Variants in KIR3DL1 observed in about 807,000 individuals in gnomAD.
KIR3DL1 encodes the protein killer cell immunoglobulin-like receptor 3DL1.
KIR3DL1 carries 50 observed loss-of-function variants against 40.3 expected under a neutral mutation model. The observed-to-expected ratio is 1.24, with a 90% CI of 0.99 to 1.57. The LOEUF is 1.57. Ranked by LOEUF, KIR3DL1 falls within the 40% of genes most tolerant of loss-of-function variation. The pLI is 0.00. For missense variants in KIR3DL1, 661 were observed against 559.9 expected, an observed-to-expected ratio of 1.18 and a Z score of -1.82; for synonymous variants, 257 against 207.2, an observed-to-expected ratio of 1.24 and a Z score of -2.07.
At chr19:54,825,830 C>G (rs796361081) in intron 6 of KIR3DL1, among the ~76,000 whole-genome samples, 10 of 150,930 alleles carry the variant, frequency 6.6e-5, no homozygotes, top group African/African-American at 2.5e-4. Flanking sequence ...GGCTCCTGGT[C>G]CCCTTCCTCC....
At chr19:54,830,367 A>G (rs1480108387) in exon 9 of KIR3DL1, 1 of 1,354,426 alleles carries the variant, frequency 7.4e-7, no homozygotes, top group Non-Finnish European at 1.0e-6. Context: ...AGCAGCTGGA[A>G]TCTGAAGGCG....
Position 54,821,876 on chromosome 19 carries a change from C to T in KIR3DL1, c.949+18C>T. 1 of 1,594,606 alleles carries T rather than the reference C, an allele frequency of 6.3e-7. No homozygotes were observed. Among genetic ancestry groups the T allele is most frequent in the Non-Finnish European group, 8.6e-7 (1 of 1,168,264 alleles). ...TGTCACAGGTGAGAAAAGCCCATAT[C>T]TCTCTCATGTCCTATGATCCTAAAT... On this transcript the variant is annotated intron_variant, in intron 5 of 8. Coordinates refer to ENST00000391728, the Ensembl canonical transcript of KIR3DL1.
rs775780660 is a variant in KIR3DL1 at position 54,830,073 on chromosome 19, C to T, written c.1159-26C>T. 3 of 1,520,448 alleles carry T rather than the reference C, an allele frequency of 2.0e-6. 1 individual carries two copies. The Middle Eastern group carries it at 5.2e-4, about 264-fold the overall frequency. The allele number at this position is 1,520,448 out of a possible 1,614,324, so 94.2% of individuals were successfully genotyped here. The stretch of plus-strand genomic sequence containing the variant: ...CCTCCCTCACTCAGCATTTCCCTCC[C>T]TCACTCAGCATTTCCCTCTCTCCAG... On this transcript the variant is annotated intron_variant, in intron 8 of 8. Transcript: ENST00000391728.
chr19:54,829,962 C>A, exon 8 of KIR3DL1: 2 of 1,528,454 alleles, frequency 1.3e-6, no homozygotes, highest in Non-Finnish European at 1.8e-6. Context: ...CTGCAGGGAA[C>A]AGAACAGCCA....
intron 3 of KIR3DL1, among the ~76,000 whole-genome samples, chr19:54,819,483 G>C (rs1432707441): frequency 4.0e-5 from 6 of 151,280 alleles, no homozygotes; most frequent in Admixed American, 2.0e-4. Context: ...AGATGAGGCT[G>C]TCTTCACAGT....
chr19:54,817,553 G>T, exon 2 of KIR3DL1: 1 of 1,513,528 alleles, frequency 6.6e-7, no homozygotes, highest in Non-Finnish European at 9.0e-7. Flanking sequence ...TGGTCCAGAG[G>T]GCCGGTCCAC....
exon 5 of KIR3DL1, chr19:54,821,569 A>G (rs767559195): frequency 4.4e-6 from 7 of 1,605,614 alleles, no homozygotes; most frequent in African/African-American, 1.4e-5. Flanking sequence ...TTCCAGGTCC[A>G]TATGAGAAAC....
intron 6 of KIR3DL1, 93 bp from the exon 7 acceptor site, chr19:54,829,268 G>A: frequency 1.2e-5 from 13 of 1,083,018 alleles, no homozygotes; most frequent in Admixed American, 5.8e-5. Flanking sequence ...AAGAGATGCT[G>A]TAAGTGGTTA....
intron 1 of KIR3DL1, among the ~76,000 whole-genome samples, chr19:54,817,316 C>T (rs2061399585): frequency 6.9e-6 from 1 of 145,676 alleles, no homozygotes; most frequent in South Asian, 2.2e-4. Flanking sequence ...GAGATCTGGG[C>T]CTGTTGTGTA....
exon 5 of KIR3DL1, chr19:54,821,848 T>C: frequency 6.2e-7 from 1 of 1,601,290 alleles, no homozygotes; most frequent in Admixed American, 1.7e-5. Context: ...CACTGCTTGT[T>C]TCTGTCACAG....
exon 5 of KIR3DL1, chr19:54,821,659 T>C: frequency 6.2e-7 from 1 of 1,609,930 alleles, no homozygotes; most frequent in African/African-American, 1.3e-5. Context: ...GGAGCTCCTA[T>C]GACATGTACC....
At chr19:54,817,209 T>A (rs1302085699) in intron 1 of KIR3DL1, among the ~76,000 whole-genome samples, 1 of 125,994 alleles carries the variant, frequency 7.9e-6, no homozygotes, top group Non-Finnish European at 1.7e-5. Flanking sequence ...GAGCCTGGAG[T>A]TGAGATAGGA....
Position 54,819,981 on chromosome 19 carries a change from TC to T in KIR3DL1, c.627del (p.Ser210ValfsTer31). ...CTCACACCCCCTATCAGTTGTCAGC[TC>T]CCAGTGATCCCCTGGACATCGTGGT... On this transcript the variant is annotated frameshift_variant, in exon 4 of 9. Transcript: ENST00000391728. LOFTEE classifies it high-confidence loss of function. 1 of 1,611,060 alleles carries T rather than the reference TC, an allele frequency of 6.2e-7. No individual in the cohort carries two copies. Among genetic ancestry groups the T allele is most frequent in the African/African-American group, 1.3e-5 (1 of 74,420 alleles).
At chr19:54,827,029 C>G (rs1424101665) in intron 6 of KIR3DL1, among the ~76,000 whole-genome samples, 9 of 151,630 alleles carry the variant, frequency 5.9e-5, no homozygotes, top group Non-Finnish European at 1.2e-4. Flanking sequence ...TAACTGGAAT[C>G]TAGGAGACAG....
At chr19:54,817,972 T>C (rs1467839581) in intron 2 of KIR3DL1, among the ~76,000 whole-genome samples, 1 of 148,968 alleles carries the variant, frequency 6.7e-6, no homozygotes, top group Non-Finnish European at 1.5e-5. Flanking sequence ...GGCCCTGACA[T>C]TCCAAATCCT....
chr19:54,816,791 A>G, intron 1 of KIR3DL1, among the ~76,000 whole-genome samples: 1 of 80,268 alleles, frequency 1.2e-5, no homozygotes, highest in South Asian at 4.2e-4. Context: ...TGGGGTGGAG[A>G]GATGGGCCTG....
exon 4 of KIR3DL1, chr19:54,819,963 C>T: frequency 6.2e-7 from 1 of 1,611,728 alleles, no homozygotes. Context: ...TTACTCACAC[C>T]CCCTATCAGT....
intron 4 of KIR3DL1, among the ~76,000 whole-genome samples, chr19:54,820,284 G>A (rs2061570435): frequency 1.3e-5 from 2 of 151,522 alleles, no homozygotes; most frequent in African/African-American, 2.4e-5. Context: ...ACATGTCCCA[G>A]AGAGAGGTGT....
chr19:54,822,144 C>G (rs897468725), intron 5 of KIR3DL1, among the ~76,000 whole-genome samples: 12 of 151,206 alleles, frequency 7.9e-5, no homozygotes, highest in Admixed American at 2.0e-4. Context: ...ATCAGAGGTT[C>G]CCTCAGCCCC....
Sources: gnomAD v4.1 joint callset for allele counts (sites outside exome capture counted in the v4.1 genomes callset) on GRCh38, gnomAD v4.1.1 for gene constraint, MANE v1.5 for transcripts, NCBI Gene and HGNC (gene_info 2026-07-23, HGNC 2026-07-21) for gene names.